The following OBSL1 variants were observed in gnomAD, a reference collection of about 807,000 sequenced individuals.
The protein encoded by OBSL1 is obscurin-like protein 1.
Under a neutral mutation model 172.0 loss-of-function variants are expected in OBSL1, and 160 were observed. That is an observed-to-expected ratio of 0.93 (90% CI 0.82 to 1.06). The LOEUF (loss-of-function observed/expected upper bound fraction) is 1.06. Among genes scored for constraint, OBSL1 ranks in the 50% least tolerant of loss-of-function variants. The pLI is 0.00. For missense variants in OBSL1, 2,681 were observed against 2,715.4 expected (o/e 0.99, Z 0.28); for synonymous variants, 1,200 against 1,196.3 (o/e 1.00, Z -0.06).
Position 219,553,640 on chromosome 2 carries a change from G to C in OBSL1, c.4923C>G (p.Thr1641=), listed in dbSNP as rs768061606. 2 of 1,613,822 alleles carry C rather than the reference G, an allele frequency of 1.2e-6. No individual in the cohort carries two copies. Among genetic ancestry groups the C allele is most frequent in the South Asian group, 2.2e-5 (2 of 91,056 alleles). The change falls in exon 16 of 21, where the codon ACC becomes ACG. Residue 1641 remains threonine (T), a synonymous_variant. Coordinates refer to ENST00000404537, the MANE Select transcript of OBSL1 (RefSeq NM_015311.3). Reference sequence around the variant, plus strand: ...ACTCGAACGTAGCTGTGTCGCCCTCGGTCACCTCTAGGTCGTGTGGCCCCC... The same window carrying C: ...ACTCGAACGTAGCTGTGTCGCCCTCCGTCACCTCTAGGTCGTGTGGCCCCC... ...IVRGPHDLEV[T]EGDTATFECE...
chr2:219,565,044 G>A (rs1696780295), intron 6 of OBSL1, among the ~76,000 whole-genome samples, 198 bp downstream of exon 6: 1 of 152,178 alleles, frequency 6.6e-6, no homozygotes, highest in Admixed American at 6.5e-5. Context: ...TCCAGCCAGG[G>A]CAACAGAGTG....
In OBSL1 at chr2:219,556,185, G is replaced by C; in HGVS notation, c.4444C>G (p.Arg1482Gly). The C allele has an allele frequency of 6.2e-7, 1 of 1,612,628 alleles. No homozygotes were observed. Among genetic ancestry groups the C allele is most frequent in the Non-Finnish European group, 8.5e-7 (1 of 1,179,456 alleles). Reference protein sequence around the residue: ...TGRVGAAGAVRWVRGGQPLPH... With the variant: ...TGRVGAAGAVGWVRGGQPLPH... The stretch of plus-strand genomic sequence containing the variant: ...AGGGGCTGCCCACCTCGCACCCAGC[G>C]CACGGCCCCCGCTGCACCCACTCGG... Residue 1482 changes from arginine to glycine, a missense_variant, in exon 14 of 21, where the codon CGC (arginine) becomes GGC (glycine). Coordinates refer to ENST00000404537, the MANE Select transcript of OBSL1 (RefSeq NM_015311.3).
At position 219,566,887 on chromosome 2, in the gene OBSL1, C is replaced by T; in HGVS notation, c.2077G>A (p.Ala693Thr). The T allele has an allele frequency of 1.9e-6, 3 of 1,604,760 alleles. No homozygotes were observed. Among genetic ancestry groups the T allele is most frequent in the Non-Finnish European group, 1.7e-6 (2 of 1,172,212 alleles). ...CCGGGGCAGCTGAAGCCGACCAGGG[C>T]ACCGCTGTCCTGGTGCTTGACGGCA... ...LHAVKHQDSGALVGFSCPGVQ... is the reference protein window; with the variant it reads ...LHAVKHQDSGTLVGFSCPGVQ... Residue 693 changes from alanine (A) to threonine (T), a missense_variant, in exon 5 of 21, where the codon GCC (alanine) becomes ACC (threonine). By Grantham distance (58) the Ala-to-Thr change is moderately conservative. Transcript: ENST00000404537.
intron 5 of OBSL1, among the ~76,000 whole-genome samples, chr2:219,565,736 T>A (rs552620768): frequency 6.6e-6 from 1 of 152,238 alleles, no homozygotes; most frequent in East Asian, 1.9e-4. Context: ...GGCCAGGAAA[T>A]CTGCATTATA....
chr2:219,562,813 G>T, intron 7 of OBSL1, 139 bp from the exon 8 acceptor site: 1 of 867,352 alleles, frequency 1.2e-6, no homozygotes, highest in Non-Finnish European at 1.7e-6. Flanking sequence ...CACAGCAGCT[G>T]ACAGTTACTC....
intron 8 of OBSL1, among the ~76,000 whole-genome samples, chr2:219,560,612 G>T (rs1010870525): frequency 3.9e-5 from 6 of 152,124 alleles, no homozygotes; most frequent in Non-Finnish European, 5.9e-5. Context: ...GCCAGGGTTG[G>T]GGGGGTGGGG....
chr2:219,548,903 T>C (rs1036110567), downstream of OBSL1, among the ~76,000 whole-genome samples: 1 of 151,698 alleles, frequency 6.6e-6, no homozygotes, highest in East Asian at 1.9e-4. Context: ...GGGAGAGGGA[T>C]GACAGCCTGG....
rs773431840 is a variant in OBSL1, at chr2:219,558,459, G to A, written c.3227C>T (p.Ala1076Val). The A allele has an allele frequency of 6.7e-5, 106 of 1,571,034 alleles. No individual in the cohort carries two copies. The highest frequency in any genetic ancestry group is 8.5e-5 in the Non-Finnish European group (99 of 1,160,344). Reference protein sequence around the residue: ...DSAFFTVTVTAPPERIVHPAA... With the variant: ...DSAFFTVTVTVPPERIVHPAA... ...CGGGTGCACAATCCTCTCTGGTGGGGCTGGTGGGTGGGCATGGAGAGGGGC... is the reference window on the plus strand; with the variant it reads ...CGGGTGCACAATCCTCTCTGGTGGGACTGGTGGGTGGGCATGGAGAGGGGC... The change falls in exon 10 of 21, where the codon GCC becomes GTC. Residue 1076 changes from alanine to valine, a missense_variant and splice_region_variant. By Grantham distance (64) the Ala-to-Val change is moderately conservative. Around this residue, in one of 5 missense-constraint regions of OBSL1, gnomAD observed 1,765 missense variants for 1,748.3 expected, o/e 1.01. Transcript: ENST00000404537.
rs1217706998 is a variant in OBSL1 at position 219,571,390 on chromosome 2, T to C, written c.-158A>G. The C allele has an allele frequency of 7.6e-6, 3 of 393,832 alleles. No homozygotes were observed. Among genetic ancestry groups the C allele is most frequent in the Non-Finnish European group, 8.4e-6 (2 of 236,758 alleles). The allele number at this position is 393,832 out of a possible 1,614,324, so 24.4% of individuals were successfully genotyped here. ...GGCCTCCCGCTCCCGGCTCGCCTCC[T>C]TACCCTCGGCCCCGAGCTGCAGCTC... On this transcript the variant is annotated 5_prime_UTR_variant, in exon 1 of 21. Transcript: ENST00000404537.
chr2:219,567,740 G>C lies in OBSL1; in HGVS notation c.1512C>G (p.Thr504=). ...CACATTTTACTCTGAGAAGCGTAGT[G>C]GTACGGGAGTTGCCCAGGCTAAAGG... ...EVTFSLGNSR[T]TTLLRVKCVK... The change falls in exon 3 of 21, where the codon ACC becomes ACG. Residue 504 remains threonine, a synonymous_variant. Transcript: ENST00000404537. 4 of 1,612,264 alleles carry C rather than the reference G, an allele frequency of 2.5e-6. No homozygotes were observed. Among genetic ancestry groups the C allele is most frequent in the Non-Finnish European group, 3.4e-6 (4 of 1,178,502 alleles).
downstream of OBSL1, chr2:219,547,852 CA>C: frequency 6.3e-7 from 1 of 1,586,952 alleles, no homozygotes; most frequent in Non-Finnish European, 8.5e-7. Context: ...CCCGCCCACT[CA>C]CCACCCTGGC....
chr2:219,563,661 AC>A, intron 6 of OBSL1, 34 bp from the exon 7 acceptor site: 5 of 1,585,718 alleles, frequency 3.2e-6, no homozygotes, highest in Non-Finnish European at 3.4e-6. Flanking sequence ...TTGCACAGAC[AC>A]CCCCGCACAA....
At chr2:219,562,373 G>T in intron 8 of OBSL1, 29 bp downstream of exon 8, 1 of 1,605,402 alleles carries the variant, frequency 6.2e-7, no homozygotes, top group South Asian at 1.1e-5. Flanking sequence ...CTGTCTCTGT[G>T]ACCCCGGGGA....
At position 219,563,562 on chromosome 2, in the gene OBSL1, C is replaced by T. The variant is rs746517381; in HGVS notation, c.2473G>A (p.Val825Ile). The T allele has an allele frequency of 1.2e-6, 2 of 1,613,938 alleles. No homozygotes were observed. Among genetic ancestry groups the T allele is most frequent in the South Asian group, 1.1e-5 (1 of 91,068 alleles). Reference sequence around the variant, plus strand: ...CGGTCCACCTCACAGGCCAGCATGACACACTCGGAAGTTATGGCATGCACG... The same window carrying T: ...CGGTCCACCTCACAGGCCAGCATGATACACTCGGAAGTTATGGCATGCACG... ...VFVHAITSEC[V>I]MLACEVDRED... is the part of the protein sequence containing the mutation. The change falls in exon 7 of 21, where the codon GTC (valine) becomes ATC (isoleucine). Residue 825 changes from valine to isoleucine, a missense_variant. This residue lies in a region of OBSL1 where 1,765 missense variants were observed against 1,748.3 expected (regional missense o/e 1.01). Transcript: ENST00000404537.
chr2:219,549,421 G>A, downstream of OBSL1: 2 of 1,541,562 alleles, frequency 1.3e-6, no homozygotes, highest in Non-Finnish European at 1.8e-6. Flanking sequence ...AAACAGGACT[G>A]GGCTTTCCCC....
chr2:219,564,033 T>C (rs1210014465), intron 6 of OBSL1, among the ~76,000 whole-genome samples: 1 of 152,154 alleles, frequency 6.6e-6, no homozygotes, highest in South Asian at 2.1e-4. Flanking sequence ...ATCCAACAAG[T>C]GGCAACAGTG....
rs577345387 is a variant in OBSL1, at chr2:219,556,495, C to T, written c.4295G>A (p.Arg1432Gln). The T allele has an allele frequency of 5.6e-6, 9 of 1,613,844 alleles. No homozygotes were observed. Among genetic ancestry groups the T allele is most frequent in the East Asian group, 2.2e-5 (1 of 44,858 alleles). The change falls in exon 13 of 21, where the codon CGG (arginine) becomes CAG (glutamine). Residue 1432 changes from arginine to glutamine, a missense_variant. By Grantham distance (43) the Arg-to-Gln change is conservative (BLOSUM62 1). Transcript: ENST00000404537. Reference sequence around the variant, plus strand: ...GGCACTTGTGGCCGTGCTCCCTGCCCGCAAAGTCACGGTCCCTGCATCCCC... The same window carrying T: ...GGCACTTGTGGCCGTGCTCCCTGCCTGCAAAGTCACGGTCCCTGCATCCCC... ...QLGDAGTVTL[R>Q]AGSTATSARL...
intron 18 of OBSL1, 108 bp downstream of exon 18, chr2:219,552,428 G>A: frequency 1.7e-6 from 2 of 1,185,714 alleles, no homozygotes; most frequent in Non-Finnish European, 2.3e-6. Flanking sequence ...CAGGGCCGTG[G>A]GGCGGGGCCC....
At chr2:219,564,511 A>T (rs1696730687) in intron 6 of OBSL1, among the ~76,000 whole-genome samples, 1 of 152,226 alleles carries the variant, frequency 6.6e-6, no homozygotes, top group Admixed American at 6.5e-5. Flanking sequence ...AATACTTAGC[A>T]TAGTGCTTGG....
Sources: allele counts gnomAD v4.1 joint callset (sites outside exome capture counted in the v4.1 genomes callset), GRCh38; gene constraint gnomAD v4.1.1; regional missense constraint gnomAD v4.1.1; transcripts MANE v1.5; gene names NCBI Gene and HGNC (gene_info 2026-07-23, HGNC 2026-07-21).